The following AFTPH variants were observed in gnomAD, a reference collection of about 807,000 sequenced individuals.
The protein encoded by AFTPH is aftiphilin protein.
Under a neutral mutation model 72.5 loss-of-function variants are expected in AFTPH, and 7 were observed. The ratio of observed to expected loss-of-function variants is 0.10; its 90% CI spans 0.05 to 0.18. AFTPH has a LOEUF of 0.18. AFTPH is among the 10% of genes least tolerant of loss of function. The probability of loss-of-function intolerance (pLI) is 1.00; values close to 1 mark genes in which losing one functional copy is unlikely to be tolerated. For synonymous variants in AFTPH, 337 were observed against 370.1 expected (o/e 0.91, Z 1.03); for missense variants, 979 against 1,060.5 (o/e 0.92, Z 1.07).
chr2:64,578,611 G>A (rs112960991), intron 6 of AFTPH, among the ~76,000 whole-genome samples: 5 of 150,996 alleles, frequency 3.3e-5, no homozygotes, highest in Non-Finnish European at 7.4e-5. Context: ...CTAGAGTGCA[G>A]TAGTGGCACG....
rs369648523 is a variant in AFTPH at position 64,576,861 on chromosome 2, C to T, written c.2395-2625C>T. Among the ~76,000 whole-genome samples, 831 of 152,190 alleles carry T rather than the reference C, an allele frequency of 5.5e-3. 11 individuals carry two copies. The highest frequency in any genetic ancestry group is 0.019 in the African/African-American group (791 of 41,512). Reference sequence around the variant, plus strand: ...GCAACCTCTGTCTCCTGGGTTCAAGCGATTCTCCTACCTCAGCCTCCTGAG... The same window carrying T: ...GCAACCTCTGTCTCCTGGGTTCAAGTGATTCTCCTACCTCAGCCTCCTGAG... On this transcript the variant is annotated intron_variant, in intron 6 of 8. Transcript: ENST00000238856.
chr2:64,548,596 A>G (rs1572969771), intron 1 of AFTPH, among the ~76,000 whole-genome samples: 1 of 152,084 alleles, frequency 6.6e-6, no homozygotes, highest in African/African-American at 2.4e-5. Flanking sequence ...GCTTGTAACA[A>G]TTTACACTCA....
intron 6 of AFTPH, 77 bp from the exon 7 acceptor site, chr2:64,579,408 TA>T: frequency 2.6e-6 from 3 of 1,156,434 alleles, no homozygotes; most frequent in Middle Eastern, 2.0e-4. Context: ...GGTCTTGCTA[TA>T]ATTTTTTTTT....
At chr2:64,569,024 A>G (rs909627429) in intron 3 of AFTPH, 68 bp from the exon 4 acceptor site, 5 of 1,565,388 alleles carry the variant, frequency 3.2e-6, no homozygotes, top group South Asian at 1.1e-5. Flanking sequence ...CAGCCATATT[A>G]TAAGTAGAAC....
At chr2:64,552,736 T>C (rs749806077) in exon 2 of AFTPH, 2 of 1,614,194 alleles carry the variant, frequency 1.2e-6, no homozygotes, top group Non-Finnish European at 1.7e-6. Flanking sequence ...AGTAATGACT[T>C]TGTGACTTGC....
At chr2:64,568,041 CAAA>C (rs879521055) in intron 3 of AFTPH, among the ~76,000 whole-genome samples, 1 of 140,218 alleles carries the variant, frequency 7.1e-6, no homozygotes, top group African/African-American at 2.6e-5. Context: ...GCTCTATCTC[CAAA>C]AAAAAAAAAA....
At chr2:64,591,767 G>A (rs1258963586) in intron 8 of AFTPH, 121 bp from the exon 10 acceptor site, 55 of 1,040,042 alleles carry the variant, frequency 5.3e-5, no homozygotes, top group Non-Finnish European at 6.9e-5. Context: ...GGAACTAGCA[G>A]AGGAAAAAAT....
intron 1 of AFTPH, among the ~76,000 whole-genome samples, chr2:64,528,038 C>A (rs1238872084): frequency 6.6e-6 from 1 of 152,218 alleles, no homozygotes; most frequent in Admixed American, 6.5e-5. Flanking sequence ...AGACTCCATC[C>A]TATGGTTGTC....
At chr2:64,563,055 G>A (rs777417833) in intron 2 of AFTPH, among the ~76,000 whole-genome samples, 1 of 152,184 alleles carries the variant, frequency 6.6e-6, no homozygotes, top group African/African-American at 2.4e-5. Flanking sequence ...GAAGATTTGT[G>A]TTGTGCCCCC....
chr2:64,581,959 CA>C (rs1382473448), intron 7 of AFTPH, among the ~76,000 whole-genome samples: 2 of 152,214 alleles, frequency 1.3e-5, no homozygotes, highest in African/African-American at 4.8e-5. Context: ...TGTTAATGTT[CA>C]GCCCTGCAAA....
intron 2 of AFTPH, among the ~76,000 whole-genome samples, chr2:64,557,599 C>T (rs1671460242): frequency 1.3e-5 from 2 of 152,162 alleles, no homozygotes; most frequent in African/African-American, 4.8e-5. Flanking sequence ...CGTGCCTCAG[C>T]CTCCCAAGTA....
intron 1 of AFTPH, among the ~76,000 whole-genome samples, chr2:64,532,028 A>G (rs1247511255): frequency 3.9e-5 from 6 of 152,228 alleles, no homozygotes. Flanking sequence ...TTTTCAAGTT[A>G]CAAGTGTTTG....
intron 2 of AFTPH, among the ~76,000 whole-genome samples, chr2:64,557,148 G>A (rs1350147908): frequency 6.6e-6 from 1 of 151,884 alleles, no homozygotes; most frequent in Admixed American, 6.6e-5. Context: ...AAGAAATCTT[G>A]ATTGAAATAA....
rs540431499 is a variant in AFTPH at position 64,524,455 on chromosome 2, G to C, written c.-190G>C. 2.4e-4 allele frequency: 96 copies of C among 402,352 alleles called. 1 individual carries two copies. The East Asian group carries it at 3.4e-3, about 14-fold the overall frequency. The allele number at this position is 402,352 out of a possible 1,614,324, so 24.9% of individuals were successfully genotyped here. On this transcript the variant is annotated 5_prime_UTR_variant, in exon 1 of 9. Coordinates refer to ENST00000238856, the Ensembl canonical transcript of AFTPH. ...GGTCCCGCGGCAGCGGTGAAACTCC[G>C]GGTGGGCGTCCATGGTGCTGCTGCG...
At chr2:64,550,676 T>C (rs1401027934) in intron 1 of AFTPH, among the ~76,000 whole-genome samples, 3 of 75,980 alleles carry the variant, frequency 3.9e-5, no homozygotes, top group East Asian at 9.1e-4. Context: ...ACTGTACGCA[T>C]GCACACACAC....
intron 1 of AFTPH, among the ~76,000 whole-genome samples, chr2:64,549,486 A>C (rs1670897669): frequency 6.7e-6 from 1 of 148,430 alleles, no homozygotes; most frequent in African/African-American, 2.4e-5. Context: ...ACGCCCGGCT[A>C]ATTTTTTTAT....
At chr2:64,555,626 G>A (rs1572984604) in intron 2 of AFTPH, among the ~76,000 whole-genome samples, 1 of 151,434 alleles carries the variant, frequency 6.6e-6, no homozygotes, top group African/African-American at 2.4e-5. Flanking sequence ...GTTTGGCTAA[G>A]GCCTCATGCT....
chr2:64,592,284 G>T, exon 9 of AFTPH: 1 of 311,814 alleles, frequency 3.2e-6, no homozygotes, highest in Non-Finnish European at 5.9e-6. Context: ...TTTTTGTGTT[G>T]CTGGGGTGTA....
chr2:64,540,604 C>T (rs1450492793), intron 1 of AFTPH, among the ~76,000 whole-genome samples: 1 of 152,080 alleles, frequency 6.6e-6, no homozygotes, highest in East Asian at 1.9e-4. Context: ...AGGTAAGTAG[C>T]ACTTGAAAAG....
Sources: allele counts gnomAD v4.1 joint callset (sites outside exome capture counted in the v4.1 genomes callset), GRCh38; gene constraint gnomAD v4.1.1; transcripts MANE v1.5; gene names NCBI Gene and HGNC (gene_info 2026-07-23, HGNC 2026-07-21).